Variants in DROSHA observed in about 807,000 individuals in gnomAD.
DROSHA encodes the protein ribonuclease 3.
DROSHA carries 56 observed loss-of-function variants against 181.9 expected under a neutral mutation model. That is an observed-to-expected ratio of 0.31 (90% confidence interval 0.25 to 0.38). DROSHA has a LOEUF of 0.38. DROSHA is among the 10% of genes least tolerant of loss of function. DROSHA has a pLI of 1.00. For missense variants in DROSHA, 1,218 were observed against 1,743.5 expected (o/e 0.70, Z 5.37); for synonymous variants, 524 against 591.2 (o/e 0.89, Z 1.65).
In DROSHA at chr5:31,507,161, T is replaced by C. The variant is rs1443312400; in HGVS notation, c.1587+1460A>G. Reference sequence around the variant, plus strand: ...GAGACCTCATCTCTACAAATAATTTTTTAAAACTACCTAGGCAGGCCAGGC... The same window carrying C: ...GAGACCTCATCTCTACAAATAATTTCTTAAAACTACCTAGGCAGGCCAGGC... On this transcript the variant is annotated intron_variant, in intron 10 of 35. Transcript: ENST00000344624. 2.6e-5 allele frequency among the ~76,000 whole-genome samples: 4 copies of C among 151,296 alleles called. No individual in the cohort carries two copies. In the South Asian group the frequency reaches 6.3e-4, roughly 24 times the overall value.
Position 31,471,948 on chromosome 5 carries a change from A to G in DROSHA, c.2241+115T>C. 1.0e-5 allele frequency: 10 copies of G among 963,520 alleles called. No homozygotes were observed. The South Asian group carries it at 3.0e-4, about 29-fold the overall frequency. 59.7% of individuals were successfully genotyped at this position (963,520 alleles called of 1,614,324 possible). A position where few individuals can be genotyped will look rare whatever the true frequency, so the allele number is the denominator to read the frequency against. ...TATTTAAAGGAAAAATTATCCAAGG[A>G]CAAGAGCAGTGACTACCTAAAACTT... On this transcript the variant is annotated intron_variant, in intron 17 of 35. Coordinates refer to ENST00000344624, the MANE Select transcript of DROSHA (RefSeq NM_001382508.1).
At chr5:31,530,363 C>T (rs1326768759) in intron 3 of DROSHA, among the ~76,000 whole-genome samples, 3 of 152,050 alleles carry the variant, frequency 2.0e-5, no homozygotes, top group Admixed American at 2.0e-4. Context: ...CCATAGGCTA[C>T]TCACTGCCAA....
chr5:31,455,744 G>A (rs370600170), intron 20 of DROSHA, among the ~76,000 whole-genome samples: 118 of 151,084 alleles, frequency 7.8e-4, no homozygotes, highest in African/African-American at 2.7e-3. Context: ...AGGCTCAAGT[G>A]ATCCTCCCAC....
chr5:31,451,645 G>GAA lies in DROSHA; in HGVS notation c.2575-7_2575-6dup. On this transcript the variant is annotated splice_region_variant and splice_polypyrimidine_tract_variant and intron_variant, in intron 20 of 35. Transcript: ENST00000344624. The stretch of plus-strand genomic sequence containing the variant: ...AACAGGTAGCATCATTGCATGCTAG[G>GAA]AAAAAAAAAATTCAATATGTTTAAC... The GAA allele has an allele frequency of 2.0e-6, 3 of 1,518,100 alleles. No individual in the cohort carries two copies. The highest frequency in any genetic ancestry group is 2.7e-6 in the Non-Finnish European group (3 of 1,120,352). The allele number at this position is 1,518,100 out of a possible 1,614,324, so 94.0% of individuals were successfully genotyped here.
intron 9 of DROSHA, 79 bp downstream of exon 9, chr5:31,510,956 T>A: frequency 6.5e-7 from 1 of 1,530,270 alleles, no homozygotes; most frequent in Non-Finnish European, 8.9e-7. Flanking sequence ...AATGTGGGAC[T>A]CTCAAGGGTA....
chr5:31,504,480 G>T, intron 11 of DROSHA, 75 bp downstream of exon 11: 1 of 1,461,332 alleles, frequency 6.8e-7, no homozygotes, highest in East Asian at 2.3e-5. Context: ...TCATTTATGG[G>T]GGAAAGAACA....
intron 30 of DROSHA, among the ~76,000 whole-genome samples, chr5:31,416,506 G>A (rs1438210578): frequency 6.6e-6 from 1 of 151,552 alleles, no homozygotes; most frequent in African/African-American, 2.4e-5. Context: ...TAAAGGCCAG[G>A]AAGGAAAACA....
intron 6 of DROSHA, among the ~76,000 whole-genome samples, chr5:31,517,309 A>G (rs1739369439): frequency 6.6e-6 from 1 of 152,220 alleles, no homozygotes; most frequent in South Asian, 2.1e-4. Flanking sequence ...GCTGCTACAT[A>G]CAACTTTTAT....
chr5:31,518,566 A>G (rs990983877), intron 6 of DROSHA, among the ~76,000 whole-genome samples: 2 of 152,234 alleles, frequency 1.3e-5, no homozygotes, highest in African/African-American at 4.8e-5. Flanking sequence ...CTGTCAGGTA[A>G]TAACGGCAAC....
chr5:31,403,281 T>C (rs1291815212), intron 35 of DROSHA, among the ~76,000 whole-genome samples: 1 of 152,168 alleles, frequency 6.6e-6, no homozygotes, highest in East Asian at 1.9e-4. Flanking sequence ...TACTGTAAAA[T>C]CAAATTTGCA....
At chr5:31,515,702 C>T in intron 6 of DROSHA, 138 bp from the exon 7 acceptor site, 2 of 1,194,490 alleles carry the variant, frequency 1.7e-6, no homozygotes, top group Non-Finnish European at 2.3e-6. Flanking sequence ...AAAACAGGGT[C>T]TCAATATGGC....
At chr5:31,431,224 T>G (rs1199620157) in intron 26 of DROSHA, among the ~76,000 whole-genome samples, 6 of 152,172 alleles carry the variant, frequency 3.9e-5, no homozygotes, top group Non-Finnish European at 5.9e-5. Context: ...CTCAGCAACC[T>G]AATCTGTTTG....
chr5:31,529,349 T>C (rs776849720), intron 3 of DROSHA, among the ~76,000 whole-genome samples: 6 of 152,224 alleles, frequency 3.9e-5, no homozygotes, highest in Non-Finnish European at 7.3e-5. Flanking sequence ...AAAAGACTTA[T>C]AGGCATAGAT....
chr5:31,453,030 A>G (rs951175746), intron 20 of DROSHA, among the ~76,000 whole-genome samples: 1 of 152,234 alleles, frequency 6.6e-6, no homozygotes, highest in African/African-American at 2.4e-5. Context: ...TAAAAACTCA[A>G]GGTGGATAGG....
intron 24 of DROSHA, among the ~76,000 whole-genome samples, chr5:31,436,152 T>C (rs1349990046): frequency 2.0e-5 from 3 of 152,194 alleles, no homozygotes; most frequent in Non-Finnish European, 4.4e-5. Context: ...TTACACACTC[T>C]AAGAGCAAAC....
chr5:31,413,982 C>A (rs578047735), intron 30 of DROSHA, among the ~76,000 whole-genome samples: 1 of 152,152 alleles, frequency 6.6e-6, no homozygotes, highest in African/African-American at 2.4e-5. Context: ...ACTGAGTCAG[C>A]CAGTGAGAGA....
In DROSHA at chr5:31,436,733, T is replaced by C. The variant is rs1434984762; in HGVS notation, c.2942+506A>G. Among the ~76,000 whole-genome samples, 3 of 136,982 alleles carry C rather than the reference T, an allele frequency of 2.2e-5. No homozygotes were observed. The East Asian group carries it at 6.7e-4, about 30-fold the overall frequency. 89.9% of individuals were successfully genotyped at this position (136,982 alleles called of 152,430 possible). A position where few individuals can be genotyped will look rare whatever the true frequency, so the allele number is the denominator to read the frequency against. ...CAAATTAAGGATCCTAAAACACTTCTGGAGAGAAACACACACACACACACA... is the reference window on the plus strand; with the variant it reads ...CAAATTAAGGATCCTAAAACACTTCCGGAGAGAAACACACACACACACACA... On this transcript the variant is annotated intron_variant, in intron 24 of 35. Coordinates refer to ENST00000344624, the MANE Select transcript of DROSHA (RefSeq NM_001382508.1).
chr5:31,500,180 C>T (rs1030921838), intron 11 of DROSHA, among the ~76,000 whole-genome samples: 9 of 152,198 alleles, frequency 5.9e-5, no homozygotes, highest in Non-Finnish European at 1.3e-4. Flanking sequence ...ACCAGTCTCC[C>T]CTCCTGGCCA....
intron 9 of DROSHA, among the ~76,000 whole-genome samples, chr5:31,510,742 G>C (rs867257067): frequency 6.6e-6 from 1 of 152,180 alleles, no homozygotes; most frequent in Non-Finnish European, 1.5e-5. Context: ...GGGGGCATGG[G>C]CTCCTGCTCT....
Sources: gnomAD v4.1 joint callset for allele counts (sites outside exome capture counted in the v4.1 genomes callset) on GRCh38, gnomAD v4.1.1 for gene constraint, MANE v1.5 for transcripts, NCBI Gene and HGNC (gene_info 2026-07-23, HGNC 2026-07-21) for gene names.